The following ATP8B1 variants were observed in gnomAD, a reference collection of about 807,000 sequenced individuals.
The protein encoded by ATP8B1 is phospholipid-transporting ATPase IC.
ATP8B1 carries 80 observed loss-of-function variants against 149.9 expected under a neutral mutation model. That is an observed-to-expected ratio of 0.53 (90% CI 0.45 to 0.64). ATP8B1 has a LOEUF of 0.64. Ranked by LOEUF, ATP8B1 falls within the 30% of genes least tolerant of loss-of-function variation. ATP8B1 has a pLI of 0.00. For missense variants in ATP8B1, 1,247 were observed against 1,552.6 expected (o/e 0.80, Z 3.31); for synonymous variants, 536 against 562.8 (o/e 0.95, Z 0.67).
chr18:57,698,344 TTAA>T (rs1188227373), intron 6 of ATP8B1, among the ~76,000 whole-genome samples: 2 of 147,296 alleles, frequency 1.4e-5, no homozygotes, highest in African/African-American at 5.4e-5. Flanking sequence ...TATTTATTTA[TTAA>T]TTTTTTTTTT....
At position 57,704,661 on chromosome 18, in the gene ATP8B1, G is replaced by C. The variant is rs1913297293; in HGVS notation, c.287C>G (p.Ala96Gly). Residue 96 changes from alanine (A) to glycine (G), a missense_variant, in exon 4 of 28, where the codon GCA (alanine) becomes GGA (glycine). Transcript: ENST00000648908. ...CIKESKYANNAIKTYKYNAFT... is the reference protein window; with the variant it reads ...CIKESKYANNGIKTYKYNAFT... The stretch of plus-strand genomic sequence containing the variant: ...TGCGTTGTACTTGTATGTTTTAATT[G>C]CATTATTCTGTTGGAAAAAATAAGA... 2 of 1,584,442 alleles carry C rather than the reference G, an allele frequency of 1.3e-6. No individual in the cohort carries two copies. The highest frequency in any genetic ancestry group is 1.7e-6 in the Non-Finnish European group (2 of 1,153,390).
chr18:57,798,056 C>T (rs1455772137), intron 1 of ATP8B1, among the ~76,000 whole-genome samples: 1 of 151,996 alleles, frequency 6.6e-6, no homozygotes. Context: ...CTCTGTGAAC[C>T]CCACAGACTT....
Position 57,706,489 on chromosome 18 carries a change from C to T in ATP8B1, c.279+1G>A. ...AACAATTCAGAAAGTTAACAACTCA[C>T]CGCATATTTACTCTCCTTAATACAC... On this transcript the variant is annotated splice_donor_variant, in intron 3 of 27. Transcript: ENST00000648908. LOFTEE classifies it high-confidence loss of function. 1.9e-6 allele frequency: 3 copies of T among 1,611,260 alleles called. No individual in the cohort carries two copies. The highest frequency in any genetic ancestry group is 1.7e-6 in the Non-Finnish European group (2 of 1,177,486).
rs2080257712 is a variant in ATP8B1 at position 57,770,862 on chromosome 18, A to T, written c.-26+32136T>A. On this transcript the variant is annotated intron_variant, in intron 1 of 27. Coordinates refer to ENST00000648908, the MANE Select transcript of ATP8B1 (RefSeq NM_001374385.1). ...CCGTTCTTCTAGAAACATGGATGTG[A>T]ATTTTGTTTGTTTTGTTCTGTAACA... Among the ~76,000 whole-genome samples the T allele has an allele frequency of 1.3e-5, 2 of 152,138 alleles. 1 individual carries two copies. The highest frequency in any genetic ancestry group is 4.1e-4 in the South Asian group (2 of 4,830).
At chr18:57,703,961 A>C (rs1913258857) in intron 4 of ATP8B1, among the ~76,000 whole-genome samples, 1 of 151,970 alleles carries the variant, frequency 6.6e-6, no homozygotes, top group Admixed American at 6.6e-5. Flanking sequence ...TTACAAAGTA[A>C]GGATTTTATT....
At chr18:57,656,718 GAAAT>G (rs1910023076) in intron 22 of ATP8B1, among the ~76,000 whole-genome samples, 1 of 143,232 alleles carries the variant, frequency 7.0e-6, no homozygotes. Flanking sequence ...AAGGGGCAGA[GAAAT>G]AAAGTAGTGG....
chr18:57,702,534 G>A (rs1253412235), intron 4 of ATP8B1, among the ~76,000 whole-genome samples: 3 of 152,162 alleles, frequency 2.0e-5, no homozygotes, highest in Non-Finnish European at 4.4e-5. Context: ...GGCTATTACT[G>A]TTACCCTAAT....
At chr18:57,764,463 G>C (rs746180089) in intron 1 of ATP8B1, among the ~76,000 whole-genome samples, 3 of 149,088 alleles carry the variant, frequency 2.0e-5, no homozygotes, top group Admixed American at 6.8e-5. Context: ...CTGTAGCCCA[G>C]GCTGGAGTGC....
chr18:57,688,781 C>A, intron 12 of ATP8B1: 1 of 452,296 alleles, frequency 2.2e-6, no homozygotes. Flanking sequence ...CTTGCTTGCC[C>A]CTTCTGCCAT....
intron 1 of ATP8B1, among the ~76,000 whole-genome samples, chr18:57,766,106 C>G (rs2080209346): frequency 6.7e-6 from 1 of 148,810 alleles, no homozygotes; most frequent in South Asian, 2.1e-4. Flanking sequence ...TGCAATGGTG[C>G]CATCTTGGCT....
At chr18:57,695,029 CAAAAAAAAAAAAAA>C in intron 10 of ATP8B1, 128 bp downstream of exon 10, 11 of 281,770 alleles carry the variant, frequency 3.9e-5, no homozygotes, top group African/African-American at 2.6e-4. Flanking sequence ...GACTCTGTCT[CAAAAAAAAAAAAAA>C]AAAAAAAAAA....
intron 1 of ATP8B1, among the ~76,000 whole-genome samples, chr18:57,799,538 G>A (rs1316847953): frequency 2.6e-5 from 4 of 151,828 alleles, no homozygotes; most frequent in Admixed American, 6.6e-5. Context: ...GGTGAAACCC[G>A]TCTCTACTAA....
chr18:57,735,258 A>G, intron 1 of ATP8B1: 1 of 167,486 alleles, frequency 6.0e-6, no homozygotes, highest in Non-Finnish European at 1.3e-5. Flanking sequence ...CCAATCCAGC[A>G]GGGCGCCCGC....
chr18:57,672,933 A>ATATATATATATATAT (rs36010935), intron 16 of ATP8B1, among the ~76,000 whole-genome samples: 1 of 43,502 alleles, frequency 2.3e-5, no homozygotes, highest in Admixed American at 4.2e-4. Flanking sequence ...TATATATATA[A>ATATATATATATATAT]CATGTATATA....
At chr18:57,788,447 T>TG (rs1478720089) in intron 1 of ATP8B1, among the ~76,000 whole-genome samples, 1 of 151,406 alleles carries the variant, frequency 6.6e-6, no homozygotes, top group African/African-American at 2.4e-5. Context: ...CCCAGCTACT[T>TG]GGGAGGCTGG....
chr18:57,734,854 G>A (rs185730495), intron 1 of ATP8B1, among the ~76,000 whole-genome samples: 7 of 152,274 alleles, frequency 4.6e-5, no homozygotes, highest in Admixed American at 2.0e-4. Flanking sequence ...TTCCTAGGCC[G>A]ACTATGAATC....
rs545720676 is a variant in ATP8B1 at position 57,802,218 on chromosome 18, A to G, written c.-26+780T>C. 1.1e-4 allele frequency among the ~76,000 whole-genome samples: 17 copies of G among 152,246 alleles called. No individual in the cohort carries two copies. In the South Asian group the frequency reaches 3.3e-3, roughly 30 times the overall value. On this transcript the variant is annotated intron_variant, in intron 1 of 27. Coordinates refer to ENST00000648908, the MANE Select transcript of ATP8B1 (RefSeq NM_001374385.1). This position sits in a 1 kb window ranked among gnomAD's most constrained non-coding sequence, Gnocchi z 4.9. ...GTTAAAGCACTGGGCCATTCTCTGC[A>G]ACATCTCCCCGCGCCCCCCAACAAG...
chr18:57,651,381 C>A (rs1350564359), intron 26 of ATP8B1, among the ~76,000 whole-genome samples: 2 of 152,192 alleles, frequency 1.3e-5, no homozygotes, highest in Non-Finnish European at 2.9e-5. Flanking sequence ...GCTGGGATTA[C>A]AGGCGTGAGC....
At chr18:57,766,471 C>G (rs1373166473) in intron 1 of ATP8B1, among the ~76,000 whole-genome samples, 1 of 152,306 alleles carries the variant, frequency 6.6e-6, no homozygotes, top group Admixed American at 6.5e-5. Context: ...AAGTATCTAG[C>G]CAGGCAGTGT....
Sources: allele counts gnomAD v4.1 joint callset (sites outside exome capture counted in the v4.1 genomes callset), GRCh38; gene constraint gnomAD v4.1.1; non-coding constraint Gnocchi (gnomAD v3.1); transcripts MANE v1.5; gene names NCBI Gene and HGNC (gene_info 2026-07-23, HGNC 2026-07-21).